The following SEMA3A variants were observed in gnomAD, a reference collection of about 807,000 sequenced individuals.
SEMA3A encodes the protein semaphorin-3A.
A neutral mutation model predicts 97.9 loss-of-function variants in SEMA3A; 29 were observed. That is an observed-to-expected ratio of 0.30 (90% CI 0.22 to 0.40). The LOEUF (loss-of-function observed/expected upper bound fraction) is 0.40, where lower values mean the gene tolerates loss of function less well. Ranked by LOEUF, SEMA3A falls within the 10% of genes least tolerant of loss-of-function variation. SEMA3A has a pLI of 1.00. For missense variants in SEMA3A, 763 were observed against 951.3 expected (o/e 0.80, Z 2.60); for synonymous variants, 321 against 323.7 (o/e 0.99, Z 0.09).
At chr7:84,430,512 ACT>A (rs1036727636) in intron 1 of SEMA3A, among the ~76,000 whole-genome samples, 12 of 152,162 alleles carry the variant, frequency 7.9e-5, no homozygotes, top group Middle Eastern at 6.8e-3. Context: ...ATTATTGCAA[ACT>A]CATAAGTATC....
intron 3 of SEMA3A, among the ~76,000 whole-genome samples, chr7:84,297,581 A>G (rs996100890): frequency 2.6e-5 from 4 of 152,150 alleles, no homozygotes; most frequent in African/African-American, 9.7e-5. Flanking sequence ...ACTAATCTAC[A>G]TAGGTCTTTG....
chr7:84,214,876 T>C (rs909918837), intron 3 of SEMA3A, among the ~76,000 whole-genome samples: 1 of 151,070 alleles, frequency 6.6e-6, no homozygotes, highest in East Asian at 2.0e-4. Flanking sequence ...TTTTTTTGTA[T>C]TTTTCATAGA....
At chr7:84,479,955 A>G (rs1455885279) in intron 1 of SEMA3A, among the ~76,000 whole-genome samples, 1 of 152,212 alleles carries the variant, frequency 6.6e-6, no homozygotes, top group Non-Finnish European at 1.5e-5. Context: ...AATCCAATGC[A>G]AACTTTCTTA....
chr7:83,979,272 T>C (rs1789296846), intron 14 of SEMA3A, among the ~76,000 whole-genome samples: 1 of 152,074 alleles, frequency 6.6e-6, no homozygotes, highest in African/African-American at 2.4e-5. Flanking sequence ...TAGCTGGGAT[T>C]ACAGGCATCC....
At chr7:83,983,914 T>C (rs939135637) in intron 13 of SEMA3A, among the ~76,000 whole-genome samples, 6 of 152,148 alleles carry the variant, frequency 3.9e-5, no homozygotes, top group Admixed American at 3.9e-4. Context: ...TTGAAACTAC[T>C]ATCTCACTTT....
intron 3 of SEMA3A, among the ~76,000 whole-genome samples, chr7:84,292,294 T>G (rs2115789095): frequency 6.6e-6 from 1 of 152,178 alleles, no homozygotes; most frequent in African/African-American, 2.4e-5. Flanking sequence ...GTAAGGAAAA[T>G]GAGAAGGTAG....
At chr7:84,424,553 T>A (rs11981142) in intron 1 of SEMA3A, among the ~76,000 whole-genome samples, 18 of 79,136 alleles carry the variant, frequency 2.3e-4, no homozygotes, top group African/African-American at 5.0e-4. Context: ...TTAATATATA[T>A]TATATATAAT....
At chr7:84,144,774 G>A (rs536673221) in intron 1 of SEMA3A, among the ~76,000 whole-genome samples, 12 of 152,228 alleles carry the variant, frequency 7.9e-5, no homozygotes, top group African/African-American at 2.9e-4. Context: ...AGACATTCAA[G>A]AAACTATAAC....
intron 2 of SEMA3A, among the ~76,000 whole-genome samples, chr7:84,131,705 A>G (rs1795965846): frequency 6.6e-6 from 1 of 152,230 alleles, no homozygotes; most frequent in Non-Finnish European, 1.5e-5. Context: ...GAAGAAAGCT[A>G]TTTGAACATT....
intron 3 of SEMA3A, among the ~76,000 whole-genome samples, chr7:84,300,573 A>T (rs1334655442): frequency 6.6e-6 from 1 of 152,168 alleles, no homozygotes; most frequent in East Asian, 1.9e-4. Flanking sequence ...TAAGCATGAG[A>T]ATGCTGGAAT....
intron 1 of SEMA3A, among the ~76,000 whole-genome samples, chr7:84,407,247 T>A (rs1441829165): frequency 6.6e-6 from 1 of 152,134 alleles, no homozygotes; most frequent in Non-Finnish European, 1.5e-5. Flanking sequence ...AGCATTTTTA[T>A]ACACCAATAA....
chr7:84,414,394 TAAAA>T (rs34408044), intron 1 of SEMA3A, among the ~76,000 whole-genome samples: 1 of 112,258 alleles, frequency 8.9e-6, no homozygotes, highest in Non-Finnish European at 2.0e-5. Context: ...TGGCTAAAAG[TAAAA>T]AAAAAAAAAA....
chr7:84,173,559 C>CAAAAAAAAAAA (rs34919422), intron 1 of SEMA3A, among the ~76,000 whole-genome samples: 1 of 80,688 alleles, frequency 1.2e-5, no homozygotes, highest in African/African-American at 4.7e-5. Context: ...AACTCTGTCT[C>CAAAAAAAAAAA]AAAAAAAAAA....
At position 84,194,643 on chromosome 7, in the gene SEMA3A, C is replaced by A; in HGVS notation, c.-57G>T. The A allele has an allele frequency of 9.0e-7, 1 of 1,105,912 alleles. No homozygotes were observed. The highest frequency in any genetic ancestry group is 1.4e-6 in the Non-Finnish European group (1 of 729,608). 68.5% of individuals were successfully genotyped at this position (1,105,912 alleles called of 1,614,324 possible). A position where few individuals can be genotyped will look rare whatever the true frequency, so the allele number is the denominator to read the frequency against. ...TAGTCTTCCTTCCTGTATTGTGCGG[C>A]CAGAGAAGTTCAAACAATCTGGAAA... On this transcript the variant is annotated 5_prime_UTR_variant, in exon 1 of 17. Coordinates refer to ENST00000265362, the MANE Select transcript of SEMA3A (RefSeq NM_006080.3).
Position 84,382,442 on chromosome 7 carries a change from A to G in SEMA3A, c.-245-10542T>C, listed in dbSNP as rs980796520. Among the ~76,000 whole-genome samples the G allele has an allele frequency of 2.2e-4, 33 of 151,558 alleles. 1 individual carries two copies. The highest frequency in any genetic ancestry group is 9.2e-4 in the Admixed American group (14 of 15,212). On this transcript the variant is annotated intron_variant, in intron 1 of 3. Coordinates refer to the SEMA3A transcript ENST00000424555. Reference sequence around the variant, plus strand: ...TTTTTATGTAAATGATATATTTTAGATATTAGTTTTTTATGTATGTCTCTG... The same window carrying G: ...TTTTTATGTAAATGATATATTTTAGGTATTAGTTTTTTATGTATGTCTCTG...
intron 2 of SEMA3A, among the ~76,000 whole-genome samples, chr7:84,371,170 TG>T (rs1296205748): frequency 1.3e-5 from 2 of 151,822 alleles, no homozygotes; most frequent in Non-Finnish European, 3.0e-5. Context: ...AGATTTACAT[TG>T]TTTTTTTATT....
intron 2 of SEMA3A, among the ~76,000 whole-genome samples, chr7:84,329,111 A>G (rs1801846258): frequency 1.3e-5 from 2 of 151,930 alleles, no homozygotes; most frequent in Admixed American, 6.6e-5. Context: ...CTTTTAAGAA[A>G]AAAAAACCCG....
intron 4 of SEMA3A, among the ~76,000 whole-genome samples, chr7:84,098,541 T>A (rs942755299): frequency 5.3e-5 from 8 of 152,192 alleles, no homozygotes; most frequent in Admixed American, 3.9e-4. Context: ...CCAGTTTATG[T>A]TATTACTATA....
intron 2 of SEMA3A, among the ~76,000 whole-genome samples, chr7:84,326,082 CTCT>C (rs1405069979): frequency 1.3e-5 from 2 of 152,178 alleles, no homozygotes; most frequent in Admixed American, 6.6e-5. Flanking sequence ...TGGCAAGATG[CTCT>C]TCTTCTTTCT....
Sources: allele counts gnomAD v4.1 joint callset (sites outside exome capture counted in the v4.1 genomes callset), GRCh38; gene constraint gnomAD v4.1.1; transcripts MANE v1.5; gene names NCBI Gene and HGNC (gene_info 2026-07-23, HGNC 2026-07-21).